DGKB: variants seen among roughly 807,000 people sequenced by gnomAD.
DGKB encodes the protein diacylglycerol kinase beta, also known as 90 kDa diacylglycerol kinase.
A neutral mutation model predicts 114.3 loss-of-function variants in DGKB; 67 were observed. The observed-to-expected ratio is 0.59, with a 90% confidence interval of 0.48 to 0.72. DGKB has a LOEUF of 0.72. DGKB is among the 30% of genes least tolerant of loss of function. The pLI, the probability that DGKB is intolerant of heterozygous loss-of-function variation, is 0.00. For missense variants in DGKB, 907 were observed against 975.2 expected (o/e 0.93, Z 0.93); for synonymous variants, 398 against 323.1 (o/e 1.23, Z -2.49).
chr7:14,152,423 A>C (rs1782355188), intron 25 of DGKB, among the ~76,000 whole-genome samples: 1 of 152,180 alleles, frequency 6.6e-6, no homozygotes, highest in African/African-American at 2.4e-5. Flanking sequence ...CGGGGCTCCT[A>C]GAAACTGCAA....
chr7:14,949,452 CATT>C (rs1786055314), intron 1 of DGKB, among the ~76,000 whole-genome samples: 1 of 151,724 alleles, frequency 6.6e-6, no homozygotes, highest in Non-Finnish European at 1.5e-5. Context: ...AATGCAGAAA[CATT>C]ATAGTCAAAA....
intron 21 of DGKB, among the ~76,000 whole-genome samples, chr7:14,413,519 A>G (rs530496200): frequency 6.6e-6 from 1 of 152,298 alleles, no homozygotes; most frequent in Non-Finnish European, 1.5e-5. Context: ...ACGAGGTTAC[A>G]TATGTGGTCA....
chr7:14,369,350 T>C (rs1266420701), intron 21 of DGKB, among the ~76,000 whole-genome samples: 1 of 152,194 alleles, frequency 6.6e-6, no homozygotes, highest in African/African-American at 2.4e-5. Flanking sequence ...TTTCAAGTCT[T>C]TGCTATTGTG....
intron 14 of DGKB, among the ~76,000 whole-genome samples, chr7:14,627,710 G>A (rs1318935296): frequency 6.6e-6 from 1 of 151,948 alleles, no homozygotes; most frequent in Non-Finnish European, 1.5e-5. Flanking sequence ...TTGGGAGGCT[G>A]AGGAGGGCAG....
intron 1 of DGKB, among the ~76,000 whole-genome samples, chr7:14,865,272 C>T (rs1562759955): frequency 6.6e-6 from 1 of 152,166 alleles, no homozygotes; most frequent in South Asian, 2.1e-4. Context: ...TGCCTTTTCT[C>T]CTACTACATT....
At chr7:14,386,505 T>C (rs1281806622) in intron 21 of DGKB, among the ~76,000 whole-genome samples, 1 of 152,218 alleles carries the variant, frequency 6.6e-6, no homozygotes, top group East Asian at 1.9e-4. Context: ...AAGAAAGCCC[T>C]GCAGCGATAA....
In DGKB at chr7:14,500,228, T is replaced by C. The variant is rs541312167; in HGVS notation, c.1771-22003A>G. 1.6e-3 allele frequency among the ~76,000 whole-genome samples: 249 copies of C among 151,982 alleles called. 1 individual carries two copies. The highest frequency in any genetic ancestry group is 5.7e-3 in the African/African-American group (237 of 41,544). On this transcript the variant is annotated intron_variant, in intron 20 of 25. Coordinates refer to ENST00000402815, the MANE Select transcript of DGKB (RefSeq NM_001350709.2). ...GTAGTCTAAATTTTATTAACATCTTTGCCCTTTAACTGTATTGATCCAGAC... is the reference window on the plus strand; with the variant it reads ...GTAGTCTAAATTTTATTAACATCTTCGCCCTTTAACTGTATTGATCCAGAC...
At chr7:14,356,061 G>C (rs1000997351) in intron 21 of DGKB, among the ~76,000 whole-genome samples, 1 of 152,142 alleles carries the variant, frequency 6.6e-6, no homozygotes, top group Non-Finnish European at 1.5e-5. Context: ...TAGTTTATTT[G>C]CATAGAGGTA....
chr7:14,312,827 A>G (rs965060083), intron 23 of DGKB, among the ~76,000 whole-genome samples: 11 of 152,224 alleles, frequency 7.2e-5, no homozygotes, highest in African/African-American at 7.2e-5. Context: ...ATAAAATTCA[A>G]TGTTCCAAGT....
chr7:14,279,775 C>G (rs1451630230), intron 23 of DGKB, among the ~76,000 whole-genome samples: 3 of 149,854 alleles, frequency 2.0e-5, no homozygotes, highest in East Asian at 4.0e-4. Flanking sequence ...GCAGGGTACT[C>G]CAACAGACCT....
chr7:14,806,851 A>T (rs939772162), intron 2 of DGKB, among the ~76,000 whole-genome samples: 1 of 151,970 alleles, frequency 6.6e-6, no homozygotes, highest in African/African-American at 2.4e-5. Context: ...GATAAATATA[A>T]CCTAGGCCCA....
intron 21 of DGKB, among the ~76,000 whole-genome samples, chr7:14,448,391 A>T (rs10271285): frequency 0.18 from 26,679 of 151,964 alleles, 3,072 homozygotes; most frequent in East Asian, 0.33. Context: ...TTTGAGGAAA[A>T]CTACAGGTTA....
intron 4 of DGKB, among the ~76,000 whole-genome samples, chr7:14,746,841 C>A (rs945467333): frequency 2.6e-5 from 4 of 152,076 alleles, no homozygotes; most frequent in Non-Finnish European, 4.4e-5. Flanking sequence ...AAATTCATTG[C>A]ATCTTTCTGA....
At chr7:14,931,868 G>A (rs1785037202) in intron 1 of DGKB, among the ~76,000 whole-genome samples, 1 of 152,080 alleles carries the variant, frequency 6.6e-6, no homozygotes, top group African/African-American at 2.4e-5. Flanking sequence ...GGGATACCTG[G>A]TTTCATTGCC....
upstream of DGKB, among the ~76,000 whole-genome samples, chr7:14,907,700 G>C (rs910666211): frequency 7.2e-5 from 11 of 152,166 alleles, no homozygotes; most frequent in African/African-American, 2.4e-4. Context: ...TAACTGAATG[G>C]TGATGGCAGA....
chr7:14,635,396 A>G (rs1810546843), intron 13 of DGKB, among the ~76,000 whole-genome samples: 1 of 151,390 alleles, frequency 6.6e-6, no homozygotes, highest in African/African-American at 2.4e-5. Flanking sequence ...CATATCAAAG[A>G]TAGAAAGCAA....
chr7:14,216,727 A>G (rs13235485), intron 23 of DGKB, among the ~76,000 whole-genome samples: 1,312 of 124,990 alleles, frequency 0.01, 20 homozygotes, highest in African/African-American at 0.043. Flanking sequence ...CTCCGTCTCA[A>G]AAAAAAAAAA....
chr7:14,572,966 C>G (rs1309954350), intron 20 of DGKB, among the ~76,000 whole-genome samples: 1 of 150,088 alleles, frequency 6.7e-6, no homozygotes, highest in African/African-American at 2.4e-5. Context: ...CCAATCAATT[C>G]CTTCCTGAAA....
At chr7:14,572,758 A>T (rs1357402700) in intron 20 of DGKB, among the ~76,000 whole-genome samples, 1 of 152,228 alleles carries the variant, frequency 6.6e-6, no homozygotes. Flanking sequence ...TATACAGTTC[A>T]TATGAGTGAA....
Sources: gnomAD v4.1 joint callset for allele counts (sites outside exome capture counted in the v4.1 genomes callset) on GRCh38, gnomAD v4.1.1 for gene constraint, MANE v1.5 for transcripts, NCBI Gene and HGNC (gene_info 2026-07-23, HGNC 2026-07-21) for gene names.